Variants in SPTB observed in about 807,000 individuals in gnomAD.
The protein encoded by SPTB is spectrin beta chain, erythrocytic.
Under a neutral mutation model 256.2 loss-of-function variants are expected in SPTB, and 45 were observed. That is an observed-to-expected ratio of 0.18 (90% CI 0.14 to 0.23). The LOEUF (loss-of-function observed/expected upper bound fraction) is 0.23. SPTB is among the 10% of genes least tolerant of loss of function. SPTB has a pLI of 1.00. For synonymous variants in SPTB, 1,231 were observed against 1,243.1 expected (o/e 0.99, Z 0.21); for missense variants, 2,715 against 3,040.4 (o/e 0.89, Z 2.52).
chr14:64,818,922 A>G (rs1253420869), intron 2 of SPTB, among the ~76,000 whole-genome samples: 1 of 152,214 alleles, frequency 6.6e-6, no homozygotes, highest in Non-Finnish European at 1.5e-5. Context: ...GGCAGTCATC[A>G]AAAGAGAGAA....
At chr14:64,815,785 C>T (rs1178162946) in intron 2 of SPTB, among the ~76,000 whole-genome samples, 1 of 152,150 alleles carries the variant, frequency 6.6e-6, no homozygotes, top group African/African-American at 2.4e-5. Flanking sequence ...TTGTCAACAC[C>T]ACTCCATAGG....
rs774678072 is a variant in SPTB, at chr14:64,786,361, G to A, written c.3561+43C>T. ...TTGTGGACTCACCACAAGAGCTACTGCCCTGAGAGACCCGCCTGTCCCAGC... is the reference window on the plus strand; with the variant it reads ...TTGTGGACTCACCACAAGAGCTACTACCCTGAGAGACCCGCCTGTCCCAGC... On this transcript the variant is annotated intron_variant, in intron 16 of 35. Transcript: ENST00000644917. The surrounding 1 kb of genome is among the most constrained non-coding windows in gnomAD (Gnocchi z 5.6). The A allele has an allele frequency of 6.2e-7, 1 of 1,612,098 alleles. No homozygotes were observed. The highest frequency in any genetic ancestry group is 1.1e-5 in the South Asian group (1 of 90,978).
At chr14:64,752,186 G>C (rs1181821710) in intron 33 of SPTB, 3 of 1,345,066 alleles carry the variant, frequency 2.2e-6, no homozygotes, top group Non-Finnish European at 2.9e-6. Context: ...ATAACAGGTG[G>C]GCTAGCCCGA....
chr14:64,797,501 A>AAAAAAAC, intron 10 of SPTB, among the ~76,000 whole-genome samples: 2 of 116,828 alleles, frequency 1.7e-5, no homozygotes, highest in African/African-American at 6.7e-5. Context: ...AAAAAAAAAA[A>AAAAAAAC]AGGACTCAGG....
rs904241202 is a variant in SPTB at position 64,748,832 on chromosome 14, T to G, written c.*474A>C. On this transcript the variant is annotated 3_prime_UTR_variant, in exon 36 of 36. Transcript: ENST00000644917. ...TGGCCATGCATTTCCAGTGTCTTCT[T>G]CCTTTCCCCTTTCCCTGGCTGCCAC... 2 of 167,420 alleles carry G rather than the reference T, an allele frequency of 1.2e-5. No individual in the cohort carries two copies. Among genetic ancestry groups the G allele is most frequent in the Non-Finnish European group, 2.5e-5 (2 of 80,788 alleles). The allele number at this position is 167,420 out of a possible 1,614,324, so 10.4% of individuals were successfully genotyped here. A position where few individuals can be genotyped will look rare whatever the true frequency, so the allele number is the denominator to read the frequency against.
chr14:64,865,471 C>T (rs548968451), intron 1 of SPTB, among the ~76,000 whole-genome samples: 17 of 152,236 alleles, frequency 1.1e-4, no homozygotes, highest in African/African-American at 3.4e-4. Flanking sequence ...GCATCCCTCC[C>T]CCACCTGGAC....
At position 64,793,576 on chromosome 14, in the gene SPTB, A is replaced by T. The variant is rs749496235; in HGVS notation, c.2087T>A (p.Ile696Asn). 2 of 1,614,050 alleles carry T rather than the reference A, an allele frequency of 1.2e-6. No homozygotes were observed. The highest frequency in any genetic ancestry group is 1.7e-5 in the Admixed American group (1 of 60,014). ...AACCATGCCATGAGCCTCCTGGAAGATCTGCTCCAGGTGAGCATCCAGCCC... is the reference window on the plus strand; with the variant it reads ...AACCATGCCATGAGCCTCCTGGAAGTTCTGCTCCAGGTGAGCATCCAGCCC... ...LRGLDAHLEQ[I>N]FQEAHGMVAR... Residue 696 changes from isoleucine to asparagine, a missense_variant, in exon 14 of 36, where the codon ATC becomes AAC. Physicochemically the swap from Ile to Asn is moderately radical, Grantham distance 149. Coordinates refer to ENST00000644917, the MANE Select transcript of SPTB (RefSeq NM_001355436.2). The surrounding 1 kb of genome is among the most constrained non-coding windows in gnomAD (Gnocchi z 7.0).
chr14:64,876,914 G>A (rs1368288650), intron 1 of SPTB, among the ~76,000 whole-genome samples: 3 of 152,176 alleles, frequency 2.0e-5, no homozygotes, highest in African/African-American at 7.2e-5. Context: ...CGAGTAATAA[G>A]AAGTGTGGGT....
Position 64,772,897 on chromosome 14 carries a change from G to A in SPTB, c.5236C>T (p.Arg1746Trp), listed in dbSNP as rs200080131. 22 of 1,605,562 alleles carry A rather than the reference G, an allele frequency of 1.4e-5. No homozygotes were observed. Among genetic ancestry groups the A allele is most frequent in the South Asian group, 5.5e-5 (5 of 90,878 alleles). The change falls in exon 26 of 36, where the codon CGG (arginine) becomes TGG (tryptophan). Residue 1746 changes from arginine (R) to tryptophan (W), a missense_variant. Physicochemically the swap from Arg to Trp is moderately radical, Grantham distance 101 (BLOSUM62 -3). Around this residue, in one of 4 missense-constraint regions of SPTB, gnomAD observed 2,239 missense variants for 2,384.4 expected, o/e 0.94. Coordinates refer to ENST00000644917, the MANE Select transcript of SPTB (RefSeq NM_001355436.2). This position sits in a 1 kb window ranked among gnomAD's most constrained non-coding sequence, Gnocchi z 5.4. ...ARETGAIGQERVDNVNAFIER... is the reference protein window; with the variant it reads ...ARETGAIGQEWVDNVNAFIER... ...ATGAAGGCATTCACATTGTCCACCC[G>A]CTCCTGCCCAATCGCCCCGGTCTCC...
At chr14:64,828,658 C>T (rs369492084) in intron 1 of SPTB, among the ~76,000 whole-genome samples, 2 of 152,316 alleles carry the variant, frequency 1.3e-5, no homozygotes, top group South Asian at 4.1e-4. Context: ...ACTTGTGACC[C>T]AGTCCTACCT....
chr14:64,791,232 A>G (rs2082663921), intron 15 of SPTB, among the ~76,000 whole-genome samples: 1 of 152,016 alleles, frequency 6.6e-6, no homozygotes, highest in Non-Finnish European at 1.5e-5. Flanking sequence ...CCTTGCTGCT[A>G]TAGTTCCAGT....
intron 1 of SPTB, among the ~76,000 whole-genome samples, chr14:64,865,104 A>G (rs1882085386): frequency 6.6e-6 from 1 of 152,016 alleles, no homozygotes; most frequent in Non-Finnish European, 1.5e-5. Flanking sequence ...GTCTTAGAGA[A>G]AGGACAATGT....
intron 9 of SPTB, among the ~76,000 whole-genome samples, chr14:64,798,998 T>C (rs1331894112): frequency 6.6e-6 from 1 of 152,256 alleles, no homozygotes; most frequent in Non-Finnish European, 1.5e-5. Context: ...TATATGTATG[T>C]GCATTTGTAC....
At chr14:64,768,565 C>G (rs1461031848) in intron 29 of SPTB, among the ~76,000 whole-genome samples, 3 of 152,076 alleles carry the variant, frequency 2.0e-5, no homozygotes, top group Admixed American at 6.5e-5. Context: ...CATCAGCACC[C>G]AGCTGAAGGA....
At position 64,779,306 on chromosome 14, in the gene SPTB, G is replaced by A; in HGVS notation, c.4474-60C>T. 1 of 1,410,002 alleles carries A rather than the reference G, an allele frequency of 7.1e-7. No homozygotes were observed. The highest frequency in any genetic ancestry group is 9.9e-7 in the Non-Finnish European group (1 of 1,005,674). 87.3% of individuals were successfully genotyped at this position (1,410,002 alleles called of 1,614,324 possible). A position where few individuals can be genotyped will look rare whatever the true frequency, so the allele number is the denominator to read the frequency against. On this transcript the variant is annotated intron_variant, in intron 21 of 35. Transcript: ENST00000644917. This position sits in a 1 kb window ranked among gnomAD's most constrained non-coding sequence, Gnocchi z 4.2. ...CAATCACGGCCAACCTTTCCTGAGT[G>A]CTCACCATGGGCGGCGCAGAGCTTT...
At position 64,785,562 on chromosome 14, in the gene SPTB, T is replaced by C; in HGVS notation, c.3830A>G (p.Gln1277Arg). 12 of 1,613,886 alleles carry C rather than the reference T, an allele frequency of 7.4e-6. No individual in the cohort carries two copies. The highest frequency in any genetic ancestry group is 1.0e-5 in the Non-Finnish European group (12 of 1,179,946). The change falls in exon 18 of 36, where the codon CAG (glutamine) becomes CGG (arginine). Residue 1277 changes from glutamine (Q) to arginine (R), a missense_variant. Physicochemically the swap from Gln to Arg is conservative, Grantham distance 43 (BLOSUM62 1). Around this residue, in one of 4 missense-constraint regions of SPTB, gnomAD observed 2,239 missense variants for 2,384.4 expected, o/e 0.94. Transcript: ENST00000644917. The surrounding 1 kb of genome is among the most constrained non-coding windows in gnomAD (Gnocchi z 4.4). ...CTCCTGGCAGTTCTGGAGGAAGTTC[T>C]GTAGCTCCAGGTTGTCTCTCAGTAG... ...SVLLRDNLEL[Q>R]NFLQNCQELT...
At position 64,747,134 on chromosome 14, in the gene SPTB, T is replaced by G. The variant is rs229647; in HGVS notation, c.*2172A>C. The G allele has an allele frequency of 6.6e-6, 1 of 152,550 alleles. No individual in the cohort carries two copies. The highest frequency in any genetic ancestry group is 2.4e-5 in the African/African-American group (1 of 41,452). The allele number at this position is 152,550 out of a possible 1,614,324, so 9.4% of individuals were successfully genotyped here. ...CTAGCTCTTCCACTAGAGCCCTTCC[T>G]TTCTCGGGTCTGTGGAGTTGCTTGC... On this transcript the variant is annotated 3_prime_UTR_variant, in exon 36 of 36. Coordinates refer to ENST00000644917, the MANE Select transcript of SPTB (RefSeq NM_001355436.2).
chr14:64,750,896 AATAT>A (rs1324801303), intron 33 of SPTB, among the ~76,000 whole-genome samples: 2 of 146,234 alleles, frequency 1.4e-5, no homozygotes, highest in African/African-American at 2.5e-5. Context: ...ATTTATATGA[AATAT>A]ATAAATATAT....
intron 2 of SPTB, among the ~76,000 whole-genome samples, chr14:64,812,397 G>A (rs1020911188): frequency 2.6e-5 from 4 of 152,206 alleles, no homozygotes; most frequent in Non-Finnish European, 5.9e-5. Context: ...GTGAAAAGGA[G>A]AGAGCAAGGC....
Sources: gnomAD v4.1 joint callset for allele counts (sites outside exome capture counted in the v4.1 genomes callset) on GRCh38, gnomAD v4.1.1 for gene constraint, gnomAD v4.1.1 regional missense constraint, Gnocchi (gnomAD v3.1) non-coding constraint, MANE v1.5 for transcripts, NCBI Gene and HGNC (gene_info 2026-07-23, HGNC 2026-07-21) for gene names.